The following ADGRL2 variants were observed in gnomAD, a reference collection of about 807,000 sequenced individuals.
ADGRL2 encodes the protein calcium-independent alpha-latrotoxin receptor 2.
A neutral mutation model predicts 157.4 loss-of-function variants in ADGRL2; 44 were observed. The observed-to-expected ratio is 0.28, with a 90% confidence interval of 0.22 to 0.36. The LOEUF is 0.36. ADGRL2 is among the 10% of genes least tolerant of loss of function. The pLI, the probability that ADGRL2 is intolerant of heterozygous loss-of-function variation, is 1.00. For synonymous variants in ADGRL2, 585 were observed against 624.7 expected, an observed-to-expected ratio of 0.94 and a Z score of 0.95; for missense variants, 1,510 against 1,768.9, an observed-to-expected ratio of 0.85 and a Z score of 2.63.
chr1:81,874,371 T>C (rs1350127053), intron 2 of ADGRL2, among the ~76,000 whole-genome samples: 1 of 152,114 alleles, frequency 6.6e-6, no homozygotes, highest in African/African-American at 2.4e-5. Context: ...TTGTGTAAAA[T>C]TTATCAAAAG....
At chr1:81,654,094 T>C (rs1468070400) in intron 3 of ADGRL2, among the ~76,000 whole-genome samples, 6 of 152,110 alleles carry the variant, frequency 3.9e-5, no homozygotes, top group Non-Finnish European at 5.9e-5. Context: ...TACAGGGGCG[T>C]GCCACCACAC....
intron 1 of ADGRL2, among the ~76,000 whole-genome samples, chr1:81,430,044 C>T (rs1257782377): frequency 6.6e-6 from 1 of 152,162 alleles, no homozygotes; most frequent in African/African-American, 2.4e-5. Flanking sequence ...CAGGCATGCA[C>T]CGCCACGCCT....
intron 2 of ADGRL2, among the ~76,000 whole-genome samples, chr1:81,496,536 T>C (rs1273512731): frequency 6.6e-6 from 1 of 152,192 alleles, no homozygotes; most frequent in Non-Finnish European, 1.5e-5. Flanking sequence ...AGAGCTCTCC[T>C]AACACATTGC....
At chr1:81,368,767 C>G (rs144311311) in intron 1 of ADGRL2, among the ~76,000 whole-genome samples, 1 of 152,306 alleles carries the variant, frequency 6.6e-6, no homozygotes, top group Non-Finnish European at 1.5e-5. Context: ...GTCCCACTAC[C>G]TCTGTGCCCA....
chr1:81,584,970 C>G (rs1490605337), intron 3 of ADGRL2, among the ~76,000 whole-genome samples: 4 of 152,210 alleles, frequency 2.6e-5, no homozygotes, highest in Admixed American at 2.6e-4. Flanking sequence ...AAGCTGGAGG[C>G]TTAACACAAC....
intron 3 of ADGRL2, among the ~76,000 whole-genome samples, chr1:81,677,971 C>A (rs2083030662): frequency 6.6e-6 from 1 of 152,138 alleles, no homozygotes; most frequent in African/African-American, 2.4e-5. Context: ...TTTCTCTGAA[C>A]TTCTATCTTT....
Position 81,966,490 on chromosome 1 carries a change from T to G in ADGRL2, c.2230T>G (p.Phe744Val). Reference protein sequence around the residue: ...ENATIKLGADFIGRNSTIAVN... With the variant: ...ENATIKLGADVIGRNSTIAVN... Reference sequence around the variant, plus strand: ...TGCAACCATTAAACTGGGTGCTGATTTTATTGGTCGTAATAGCACCATTGC... The same window carrying G: ...TGCAACCATTAAACTGGGTGCTGATGTTATTGGTCGTAATAGCACCATTGC... The change falls in exon 13 of 24, where the codon TTT becomes GTT. Residue 744 changes from phenylalanine (F) to valine (V), a missense_variant. Physicochemically the swap from Phe to Val is conservative, Grantham distance 50. This residue lies in a region of ADGRL2 where 497 missense variants were observed against 627.2 expected (regional missense o/e 0.79). Coordinates refer to ENST00000686636, the MANE Select transcript of ADGRL2 (RefSeq NM_001366006.2). The G allele has an allele frequency of 6.2e-7, 1 of 1,614,020 alleles. No individual in the cohort carries two copies. Among genetic ancestry groups the G allele is most frequent in the Non-Finnish European group, 8.5e-7 (1 of 1,179,920 alleles).
At chr1:81,936,059 A>C (rs990394957) in intron 3 of ADGRL2, among the ~76,000 whole-genome samples, 7 of 151,966 alleles carry the variant, frequency 4.6e-5, no homozygotes, top group Admixed American at 4.6e-4. Flanking sequence ...GAATAGAAAG[A>C]GTAACAATAA....
At chr1:81,703,259 T>A (rs2083631235) in intron 1 of ADGRL2, among the ~76,000 whole-genome samples, 1 of 152,166 alleles carries the variant, frequency 6.6e-6, no homozygotes. Flanking sequence ...GCGGGAGAAG[T>A]AAGCAAGAAA....
chr1:81,936,726 A>T lies in ADGRL2; in HGVS notation c.288-2A>T. 1 of 1,531,576 alleles carries T rather than the reference A, an allele frequency of 6.5e-7. No homozygotes were observed. Among genetic ancestry groups the T allele is most frequent in the Non-Finnish European group, 9.0e-7 (1 of 1,114,734 alleles). 94.9% of individuals were successfully genotyped at this position (1,531,576 alleles called of 1,614,324 possible). A position where few individuals can be genotyped will look rare whatever the true frequency, so the allele number is the denominator to read the frequency against. ...ACAAGTTTGATACATTTTGTTTTTC[A>T]GGTGCAACAATCGAACACAGTGTAT... On this transcript the variant is annotated splice_acceptor_variant, in intron 3 of 23. Coordinates refer to ENST00000686636, the MANE Select transcript of ADGRL2 (RefSeq NM_001366006.2). LOFTEE classifies it high-confidence loss of function.
At chr1:81,369,026 C>G (rs1233552473) in intron 1 of ADGRL2, among the ~76,000 whole-genome samples, 1 of 151,978 alleles carries the variant, frequency 6.6e-6, no homozygotes, top group East Asian at 1.9e-4. Flanking sequence ...ATGTATTATT[C>G]AAGAATCCAA....
chr1:81,470,225 T>A (rs2078143189), intron 2 of ADGRL2, among the ~76,000 whole-genome samples: 1 of 152,252 alleles, frequency 6.6e-6, no homozygotes, highest in South Asian at 2.1e-4. Context: ...GTTTTTCTTT[T>A]GTTCAAGTTA....
intron 1 of ADGRL2, among the ~76,000 whole-genome samples, chr1:81,392,017 C>T (rs554337064): frequency 2.0e-5 from 3 of 152,058 alleles, no homozygotes; most frequent in Admixed American, 6.6e-5. Flanking sequence ...CATGGGAGAA[C>T]GTAAGTCACA....
chr1:81,944,145 G>A (rs965695669), intron 6 of ADGRL2, among the ~76,000 whole-genome samples: 4 of 151,992 alleles, frequency 2.6e-5, no homozygotes, highest in Non-Finnish European at 4.4e-5. Context: ...GGAAACGTGT[G>A]TTAGGAAGTC....
intron 2 of ADGRL2, among the ~76,000 whole-genome samples, chr1:81,891,294 T>G (rs1316656992): frequency 6.6e-6 from 1 of 152,088 alleles, no homozygotes; most frequent in African/African-American, 2.4e-5. Flanking sequence ...TTAAAATACT[T>G]CTTTACTTTG....
chr1:81,651,150 C>A (rs1396340495), intron 3 of ADGRL2, among the ~76,000 whole-genome samples: 1 of 151,974 alleles, frequency 6.6e-6, no homozygotes, highest in Non-Finnish European at 1.5e-5. Flanking sequence ...CTCAATAAAG[C>A]AGCTGTCCTA....
At position 81,356,952 on chromosome 1, in the gene ADGRL2, C is replaced by CAAAAAAAAAAAAAAAA. The variant is rs757239865; in HGVS notation, c.-302+50449_-302+50464dup. The stretch of plus-strand genomic sequence containing the variant: ...TGGGGGACAAAATGAGACTCCGTCT[C>CAAAAAAAAAAAAAAAA]AAAAAAAAAAAAAAAAAAAAAGAAG... On this transcript the variant is annotated intron_variant, in intron 1 of 24. Coordinates refer to the ADGRL2 transcript ENST00000370721. Among the ~76,000 whole-genome samples, 44 of 55,670 alleles carry CAAAAAAAAAAAAAAAA rather than the reference C, an allele frequency of 7.9e-4. 1 individual carries two copies. The highest frequency in any genetic ancestry group is 2.6e-3 in the African/African-American group (36 of 13,588). The allele number at this position is 55,670 out of a possible 152,430, so 36.5% of individuals were successfully genotyped here.
chr1:81,543,629 A>G (rs933532551), intron 2 of ADGRL2, among the ~76,000 whole-genome samples: 1 of 152,166 alleles, frequency 6.6e-6, no homozygotes, highest in East Asian at 1.9e-4. Context: ...CTGGGTTACT[A>G]CGATAGCCTT....
At chr1:81,559,297 C>A (rs1388250271) in intron 2 of ADGRL2, among the ~76,000 whole-genome samples, 1 of 152,090 alleles carries the variant, frequency 6.6e-6, no homozygotes, top group African/African-American at 2.4e-5. Context: ...ATACTCTAAT[C>A]TTGGTGAGAG....
Sources: gnomAD v4.1 joint callset for allele counts (sites outside exome capture counted in the v4.1 genomes callset) on GRCh38, gnomAD v4.1.1 for gene constraint, gnomAD v4.1.1 regional missense constraint, MANE v1.5 for transcripts, NCBI Gene and HGNC (gene_info 2026-07-23, HGNC 2026-07-21) for gene names.